The following PTPRT variants were observed in gnomAD, a reference collection of about 807,000 sequenced individuals.
PTPRT encodes protein tyrosine phosphatase receptor type T, also known as receptor-type tyrosine-protein phosphatase T.
In PTPRT, 56 loss-of-function variants were observed where a neutral mutation model predicts 176.8. That is an observed-to-expected ratio of 0.32 (90% CI 0.26 to 0.40). The LOEUF is 0.40. Among genes scored for constraint, PTPRT ranks in the 10% least tolerant of loss-of-function variants. The pLI, the probability that PTPRT is intolerant of heterozygous loss-of-function variation, is 1.00. For synonymous variants in PTPRT, 783 were observed against 739.0 expected, an observed-to-expected ratio of 1.06 and a Z score of -0.96; for missense variants, 1,540 against 1,908.2, an observed-to-expected ratio of 0.81 and a Z score of 3.60.
At position 42,610,157 on chromosome 20, in the gene PTPRT, G is replaced by A. The variant is rs534359498; in HGVS notation, c.1153+67709C>T. On this transcript the variant is annotated intron_variant, in intron 7 of 30. Transcript: ENST00000373187. ...ACAGACTCAACATAGACACTTTCAC[G>A]TGAATAAAAGTGCTCTCTGTAGAAA... Among the ~76,000 whole-genome samples the A allele has an allele frequency of 1.2e-3, 188 of 152,218 alleles. 1 individual carries two copies. Among genetic ancestry groups the A allele is most frequent in the Non-Finnish European group, 9.0e-4 (61 of 68,012 alleles).
intron 2 of PTPRT, among the ~76,000 whole-genome samples, chr20:42,826,189 G>A (rs1028935016): frequency 6.6e-6 from 1 of 152,084 alleles, no homozygotes; most frequent in African/African-American, 2.4e-5. Flanking sequence ...CATACTGAGT[G>A]AAGACAGCAT....
chr20:43,119,224 C>A (rs763953007), intron 1 of PTPRT, among the ~76,000 whole-genome samples: 1 of 152,152 alleles, frequency 6.6e-6, no homozygotes, highest in Admixed American at 6.5e-5. Context: ...GTATAAAAAG[C>A]TCTGGAAGAA....
chr20:43,071,727 G>C (rs2011183556), intron 1 of PTPRT, among the ~76,000 whole-genome samples: 1 of 152,258 alleles, frequency 6.6e-6, no homozygotes, highest in African/African-American at 2.4e-5. Flanking sequence ...GGAGATTGCA[G>C]TGAGCCAAGA....
At chr20:42,947,465 T>C (rs368362704) in intron 1 of PTPRT, among the ~76,000 whole-genome samples, 71 of 152,246 alleles carry the variant, frequency 4.7e-4, no homozygotes, top group African/African-American at 1.6e-3. Context: ...GAAATTCTAA[T>C]GCTTCCCCTC....
chr20:42,682,390 C>A (rs1056850776), intron 6 of PTPRT, among the ~76,000 whole-genome samples: 3 of 152,274 alleles, frequency 2.0e-5, no homozygotes, highest in Non-Finnish European at 4.4e-5. Flanking sequence ...TACTCCTATA[C>A]CATTCCCTCT....
At chr20:42,258,828 T>C (rs1327895293) in intron 13 of PTPRT, among the ~76,000 whole-genome samples, 1 of 152,158 alleles carries the variant, frequency 6.6e-6, no homozygotes, top group Non-Finnish European at 1.5e-5. Flanking sequence ...AGCTGGAAAA[T>C]ACCACAGAGA....
At chr20:43,067,894 T>C (rs1385668122) in intron 1 of PTPRT, among the ~76,000 whole-genome samples, 1 of 128,346 alleles carries the variant, frequency 7.8e-6, no homozygotes, top group Non-Finnish European at 1.6e-5. Flanking sequence ...TGTGTCAGGA[T>C]TTCAATGCTG....
At chr20:42,721,857 A>G (rs927758829) in intron 6 of PTPRT, among the ~76,000 whole-genome samples, 2 of 152,086 alleles carry the variant, frequency 1.3e-5, no homozygotes, top group East Asian at 3.9e-4. Context: ...CCCATTTCAG[A>G]CCATCAGTAA....
intron 7 of PTPRT, among the ~76,000 whole-genome samples, chr20:42,556,686 C>CA (rs2072867066): frequency 6.6e-6 from 1 of 152,132 alleles, no homozygotes; most frequent in Non-Finnish European, 1.5e-5. Flanking sequence ...AGAACCTGTG[C>CA]ATGGTATGAG....
chr20:42,793,395 G>T (rs746606589), intron 2 of PTPRT, among the ~76,000 whole-genome samples: 6 of 152,076 alleles, frequency 3.9e-5, no homozygotes, highest in Non-Finnish European at 7.4e-5. Flanking sequence ...CCATGTGTAC[G>T]CATTATTTAG....
At chr20:42,689,672 A>T (rs756550093) in intron 6 of PTPRT, among the ~76,000 whole-genome samples, 14 of 152,184 alleles carry the variant, frequency 9.2e-5, no homozygotes, top group Non-Finnish European at 1.9e-4. Flanking sequence ...TAAGTTAAGG[A>T]TCTTGAGTAG....
At chr20:42,235,645 C>A (rs185608975) in intron 15 of PTPRT, among the ~76,000 whole-genome samples, 12 of 152,254 alleles carry the variant, frequency 7.9e-5, no homozygotes, top group Non-Finnish European at 1.2e-4. Context: ...TAACTCCCAA[C>A]AAAATGCACT....
At chr20:42,118,635 A>G in intron 20 of PTPRT, 135 bp from the exon 21 acceptor site, 2 of 595,238 alleles carry the variant, frequency 3.4e-6, no homozygotes, top group Non-Finnish European at 2.9e-6. Flanking sequence ...TAAGACACCA[A>G]GTATCTGAGA....
intron 2 of PTPRT, among the ~76,000 whole-genome samples, chr20:42,876,846 GACA>G (rs1413507782): frequency 1.3e-5 from 2 of 152,152 alleles, no homozygotes; most frequent in East Asian, 3.9e-4. Flanking sequence ...GGGAATCAGA[GACA>G]ACATGTGATA....
chr20:42,749,675 T>C (rs1334724253), intron 6 of PTPRT, among the ~76,000 whole-genome samples: 3 of 152,218 alleles, frequency 2.0e-5, no homozygotes, highest in Non-Finnish European at 2.9e-5. Flanking sequence ...GTGGCTAACA[T>C]TAACTGACCA....
chr20:42,857,761 A>G (rs1460720448), intron 2 of PTPRT, among the ~76,000 whole-genome samples: 1 of 152,186 alleles, frequency 6.6e-6, no homozygotes, highest in Non-Finnish European at 1.5e-5. Context: ...ATTCACAAAC[A>G]TGCTTAGATG....
At chr20:42,890,605 G>A (rs985411539) in intron 1 of PTPRT, among the ~76,000 whole-genome samples, 1 of 152,120 alleles carries the variant, frequency 6.6e-6, no homozygotes, top group African/African-American at 2.4e-5. Context: ...CCACCAAGAG[G>A]AGGAGGAGAA....
At chr20:42,070,810 C>G (rs1016602800), downstream of PTPRT, among the ~76,000 whole-genome samples, 6 of 152,076 alleles carry the variant, frequency 3.9e-5, no homozygotes, top group Admixed American at 1.3e-4. Flanking sequence ...GTATGTGCTA[C>G]TTTTATCATA....
chr20:42,780,325 T>G (rs1045778702), intron 3 of PTPRT, 26 bp from the exon 4 acceptor site: 1 of 1,583,242 alleles, frequency 6.3e-7, no homozygotes, highest in African/African-American at 1.3e-5. Flanking sequence ...CGGGAGTCAA[T>G]TTCACAGAAA....
Sources: gnomAD v4.1 joint callset for allele counts (sites outside exome capture counted in the v4.1 genomes callset) on GRCh38, gnomAD v4.1.1 for gene constraint, MANE v1.5 for transcripts, NCBI Gene and HGNC (gene_info 2026-07-23, HGNC 2026-07-21) for gene names.